AFG2A: variants seen among roughly 807,000 people sequenced by gnomAD.
AFG2A encodes the protein ATPase family gene 2 protein homolog A.
At chr4:123,196,288 T>C in the AFG2A span, among the ~76,000 whole-genome samples, 5 of 150,880 alleles carry the variant, frequency 3.3e-5, no homozygotes, top group Admixed American at 2.7e-4. Context: ...GGATTACAGG[T>C]GTGAGCCACC....
At chr4:122,947,436 T>C in the AFG2A span, 5 of 1,614,118 alleles carry the variant, frequency 3.1e-6, no homozygotes, top group Non-Finnish European at 4.2e-6. Context: ...AGCTGGCAAA[T>C]AGTGCTCATG....
chr4:123,090,514 A>C, the AFG2A span: 1 of 1,565,872 alleles, frequency 6.4e-7, no homozygotes, highest in East Asian at 2.4e-5. Flanking sequence ...AACCTTTAAA[A>C]ATTAATAGAT....
the AFG2A span, among the ~76,000 whole-genome samples, chr4:123,034,085 A>ATT: frequency 6.6e-6 from 1 of 151,022 alleles, no homozygotes; most frequent in African/African-American, 2.4e-5. Context: ...TTTTTAATAC[A>ATT]TTTTTTTTTC....
At chr4:122,925,365 AG>A in the AFG2A span, among the ~76,000 whole-genome samples, 15 of 152,250 alleles carry the variant, frequency 9.9e-5, no homozygotes, top group East Asian at 2.9e-3. Flanking sequence ...TGTAAGATGA[AG>A]ATCTTGTCAT....
chr4:123,241,585 G>A, the AFG2A span, among the ~76,000 whole-genome samples: 1,311 of 152,026 alleles, frequency 8.6e-3, 24 homozygotes, highest in African/African-American at 0.03. Context: ...TTCAACAGCC[G>A]TTCATGCTAA....
At chr4:123,068,175 T>G in the AFG2A span, among the ~76,000 whole-genome samples, 3 of 152,234 alleles carry the variant, frequency 2.0e-5, no homozygotes, top group Admixed American at 1.3e-4. Context: ...GCATTTGTAT[T>G]TAAACTTTTT....
At chr4:122,978,419 T>G in the AFG2A span, among the ~76,000 whole-genome samples, 1 of 152,112 alleles carries the variant, frequency 6.6e-6, no homozygotes, top group South Asian at 2.1e-4. Flanking sequence ...CTGAGTCGGG[T>G]TTTTATGGGC....
At chr4:123,013,002 A>T in the AFG2A span, among the ~76,000 whole-genome samples, 30 of 152,276 alleles carry the variant, frequency 2.0e-4, no homozygotes, top group African/African-American at 6.7e-4. Flanking sequence ...GTGAGCAACA[A>T]GGCTGTTTAT....
the AFG2A span, among the ~76,000 whole-genome samples, chr4:123,165,502 T>C: frequency 3.3e-5 from 5 of 152,106 alleles, no homozygotes; most frequent in Non-Finnish European, 7.4e-5. Flanking sequence ...TTGCTTGAAA[T>C]TATTTCATTA....
At chr4:123,000,937 A>T in the AFG2A span, among the ~76,000 whole-genome samples, 1 of 103,528 alleles carries the variant, frequency 9.7e-6, no homozygotes, top group African/African-American at 3.2e-5. Context: ...CTGGTCCTGG[A>T]CTCTTTTTGG....
At chr4:122,948,465 T>C in the AFG2A span, among the ~76,000 whole-genome samples, 1 of 150,498 alleles carries the variant, frequency 6.6e-6, no homozygotes, top group Non-Finnish European at 1.5e-5. Context: ...GGTGGCGGTA[T>C]TGATGATGAC....
the AFG2A span, among the ~76,000 whole-genome samples, chr4:123,025,250 AG>A: frequency 5.7e-3 from 874 of 152,334 alleles, 12 homozygotes; most frequent in Admixed American, 0.043. Context: ...TCTGATTACA[AG>A]GAAAAATATT....
chr4:123,155,778 G>T, the AFG2A span, among the ~76,000 whole-genome samples: 5 of 152,186 alleles, frequency 3.3e-5, no homozygotes, highest in Middle Eastern at 3.4e-3. Flanking sequence ...ATCTGCAGGA[G>T]GTCCTGGAAC....
the AFG2A span, among the ~76,000 whole-genome samples, chr4:123,131,352 C>A: frequency 1.3e-5 from 2 of 151,778 alleles, no homozygotes; most frequent in East Asian, 3.9e-4. Flanking sequence ...ATAAAAGATA[C>A]CATCTTAACT....
chr4:123,055,460 G>C, the AFG2A span, among the ~76,000 whole-genome samples: 9 of 152,108 alleles, frequency 5.9e-5, no homozygotes, highest in Non-Finnish European at 1.3e-4. Flanking sequence ...CTTGTAATAT[G>C]GTGTTTTATA....
chr4:123,001,493 G>A, the AFG2A span, among the ~76,000 whole-genome samples: 1 of 150,636 alleles, frequency 6.6e-6, no homozygotes, highest in Non-Finnish European at 1.5e-5. Context: ...CAGAGATTCT[G>A]GTATGTTGTG....
the AFG2A span, among the ~76,000 whole-genome samples, chr4:123,285,088 G>A: frequency 2.0e-5 from 3 of 151,884 alleles, no homozygotes; most frequent in Admixed American, 6.6e-5. Flanking sequence ...CTCATAATTC[G>A]CTTCTCAAAC....
At chr4:123,201,347 T>G in the AFG2A span, among the ~76,000 whole-genome samples, 2 of 152,200 alleles carry the variant, frequency 1.3e-5, no homozygotes, top group African/African-American at 4.8e-5. Flanking sequence ...GTTTCCCAAG[T>G]TTCACTCCAA....
At chr4:123,114,628 C>G in the AFG2A span, among the ~76,000 whole-genome samples, 1 of 152,234 alleles carries the variant, frequency 6.6e-6, no homozygotes, top group Non-Finnish European at 1.5e-5. Flanking sequence ...GGGGACCCAC[C>G]TGGGTACTCG....
Sources: gnomAD v4.1 joint callset for allele counts (sites outside exome capture counted in the v4.1 genomes callset) on GRCh38, gnomAD v4.1.1 for gene constraint, MANE v1.5 for transcripts, NCBI Gene and HGNC (gene_info 2026-07-23, HGNC 2026-07-21) for gene names.